The following ARSJ variants were observed in gnomAD, a reference collection of about 807,000 sequenced individuals.
The protein encoded by ARSJ is arylsulfatase J.
A neutral mutation model predicts 35.9 loss-of-function variants in ARSJ; 26 were observed. That is an observed-to-expected ratio of 0.72 (90% confidence interval 0.53 to 1.00). The LOEUF (loss-of-function observed/expected upper bound fraction) is 1.00. Ranked by LOEUF, ARSJ falls within the 50% of genes least tolerant of loss-of-function variation. The pLI is 0.00. For missense variants in ARSJ, 667 were observed against 723.6 expected (o/e 0.92, Z 0.90); for synonymous variants, 294 against 267.6 (o/e 1.10, Z -0.96).
intron 1 of ARSJ, among the ~76,000 whole-genome samples, chr4:113,905,808 C>T (rs2099668566): frequency 6.6e-6 from 1 of 151,496 alleles, no homozygotes; most frequent in African/African-American, 2.4e-5. Flanking sequence ...GCTGGAATTA[C>T]AGGTGCATAC....
Position 113,909,268 on chromosome 4 carries a change from G to C in ARSJ, c.399-5593C>G, listed in dbSNP as rs2099669712. Among the ~76,000 whole-genome samples the C allele has an allele frequency of 2.0e-5, 3 of 152,084 alleles. No individual in the cohort carries two copies. In the South Asian group the frequency reaches 6.2e-4, roughly 32 times the overall value. ...TAGGACTAATGGTCAATATTATAAAGAGGCTGATTTCAACCCATTGTGGAA... is the reference window on the plus strand; with the variant it reads ...TAGGACTAATGGTCAATATTATAAACAGGCTGATTTCAACCCATTGTGGAA... On this transcript the variant is annotated intron_variant, in intron 1 of 1. Transcript: ENST00000315366.
chr4:113,970,582 G>C (rs925895187), intron 1 of ARSJ: 1 of 152,348 alleles, frequency 6.6e-6, no homozygotes, highest in Admixed American at 6.6e-5. Flanking sequence ...GTAGCCAGTG[G>C]GGGACCTGGG....
Position 113,932,778 on chromosome 4 carries a change from T to G in ARSJ, c.399-29103A>C, listed in dbSNP as rs561112759. On this transcript the variant is annotated intron_variant, in intron 1 of 1. Coordinates refer to ENST00000315366, the MANE Select transcript of ARSJ (RefSeq NM_024590.4). ...AAGTAGAAAAACTTCAAATAAGCAA[T>G]CTACTGATTTACCTCAAGAAATAGA... 2.0e-5 allele frequency among the ~76,000 whole-genome samples: 3 copies of G among 152,074 alleles called. No individual in the cohort carries two copies. In the South Asian group the frequency reaches 6.2e-4, roughly 31 times the overall value.
intron 1 of ARSJ, among the ~76,000 whole-genome samples, 174 bp downstream of exon 1, chr4:113,978,263 A>G (rs1390414039): frequency 1.3e-5 from 2 of 152,244 alleles, no homozygotes; most frequent in South Asian, 2.1e-4. Context: ...AATTAAGATC[A>G]TTAACATTGT....
At chr4:113,931,173 A>G (rs903421575) in intron 1 of ARSJ, among the ~76,000 whole-genome samples, 1 of 148,172 alleles carries the variant, frequency 6.7e-6, no homozygotes, top group African/African-American at 2.4e-5. Context: ...CATAAAGTAT[A>G]ATTTAAAAAA....
At chr4:113,946,639 G>A (rs748613070) in intron 1 of ARSJ, among the ~76,000 whole-genome samples, 2 of 151,520 alleles carry the variant, frequency 1.3e-5, no homozygotes, top group Admixed American at 6.6e-5. Context: ...GACTCTCCAA[G>A]TTCTATTTTA....
At chr4:113,930,419 G>T (rs1476190464) in intron 1 of ARSJ, among the ~76,000 whole-genome samples, 1 of 152,094 alleles carries the variant, frequency 6.6e-6, no homozygotes, top group East Asian at 1.9e-4. Context: ...CCAGATTAAG[G>T]GTGGGTTGGA....
intron 1 of ARSJ, among the ~76,000 whole-genome samples, chr4:113,965,644 T>C (rs1166603375): frequency 3.9e-5 from 6 of 152,216 alleles, no homozygotes; most frequent in African/African-American, 1.4e-4. Context: ...TAGAGGGTAA[T>C]GTACATAAGG....
At chr4:113,913,676 C>T (rs1723089940) in intron 1 of ARSJ, among the ~76,000 whole-genome samples, 1 of 152,124 alleles carries the variant, frequency 6.6e-6, no homozygotes, top group Non-Finnish European at 1.5e-5. Flanking sequence ...AACAAGTGTA[C>T]CCACACTGCC....
At position 113,901,315 on chromosome 4, in the gene ARSJ, CA is replaced by C. The variant is rs1191695110; in HGVS notation, c.*958del. The C allele has an allele frequency of 3.9e-5, 6 of 152,136 alleles. No individual in the cohort carries two copies. Among genetic ancestry groups the C allele is most frequent in the African/African-American group, 1.4e-4 (6 of 41,444 alleles). 9.4% of individuals were successfully genotyped at this position (152,136 alleles called of 1,614,324 possible). On this transcript the variant is annotated 3_prime_UTR_variant, in exon 2 of 2. Coordinates refer to ENST00000315366, the MANE Select transcript of ARSJ (RefSeq NM_024590.4). ...TGTAAGGAATATATTCATCTTATTACATTCAAAATCTTGGTTGAACAATGAC... is the reference window on the plus strand; with the variant it reads ...TGTAAGGAATATATTCATCTTATTACTTCAAAATCTTGGTTGAACAATGAC...
At chr4:113,931,497 G>A (rs978896394) in intron 1 of ARSJ, among the ~76,000 whole-genome samples, 3 of 152,058 alleles carry the variant, frequency 2.0e-5, no homozygotes, top group African/African-American at 7.2e-5. Flanking sequence ...CAAAGAAGAT[G>A]TAATCTCCCA....
intron 1 of ARSJ, among the ~76,000 whole-genome samples, chr4:113,948,449 C>T (rs1228942278): frequency 1.3e-5 from 2 of 152,034 alleles, no homozygotes; most frequent in Non-Finnish European, 2.9e-5. Context: ...TTTGAGTATT[C>T]TCTGGAACCC....
chr4:113,902,847 C>T lies in ARSJ; in HGVS notation c.1227G>A (p.Glu409=). Residue 409 remains glutamate, a synonymous_variant, in exon 2 of 2, where the codon GAG becomes GAA. Transcript: ENST00000315366. ...TATCTACTCGGGGTGAGCGAAGACC[C>T]TCACTTATGGTCTCCCAGATATCAT... ...DGYDIWETIS[E]GLRSPRVDIL... The T allele has an allele frequency of 6.2e-7, 1 of 1,614,156 alleles. No individual in the cohort carries two copies. Among genetic ancestry groups the T allele is most frequent in the Non-Finnish European group, 8.5e-7 (1 of 1,180,034 alleles).
chr4:113,903,008 C>T lies in ARSJ; in HGVS notation c.1066G>A (p.Val356Ile). ...AGAAGTGGGCTATGCACAAAGCCTA[C>T]AGCCCGGATCCCTCCTTCCCAATAT... is the stretch of plus-strand genomic sequence containing the variant. ...GTYWEGGIRA[V>I]GFVHSPLLKN... is the part of the protein sequence containing the mutation. Residue 356 changes from valine to isoleucine, a missense_variant, in exon 2 of 2, where the codon GTA becomes ATA. Transcript: ENST00000315366. 1 of 1,614,160 alleles carries T rather than the reference C, an allele frequency of 6.2e-7. No individual in the cohort carries two copies. The highest frequency in any genetic ancestry group is 1.3e-5 in the African/African-American group (1 of 75,042).
intron 1 of ARSJ, among the ~76,000 whole-genome samples, chr4:113,904,494 C>T (rs1324937397): frequency 2.0e-5 from 3 of 151,748 alleles, no homozygotes; most frequent in Non-Finnish European, 4.4e-5. Flanking sequence ...ATAGTTCATT[C>T]TTTTTTTTGA....
chr4:113,937,375 T>C (rs1013506961), intron 1 of ARSJ, among the ~76,000 whole-genome samples: 1 of 151,964 alleles, frequency 6.6e-6, no homozygotes, highest in African/African-American at 2.4e-5. Context: ...AAGTAGGTAT[T>C]GATGGAGCAT....
chr4:113,902,434 T>A lies in ARSJ; in HGVS notation c.1640A>T (p.Asn547Ile), dbSNP rs200103811. ...PKDPRSNPRL[N>I]GGVWGPWYKE... ...ATACCATGGTCCCCAGACCCCTCCA[T>A]TGAGCCTAGGGTTACTTCTGGGGTC... Residue 547 changes from asparagine to isoleucine, a missense_variant, in exon 2 of 2, where the codon AAT becomes ATT. Coordinates refer to ENST00000315366, the MANE Select transcript of ARSJ (RefSeq NM_024590.4). The A allele has an allele frequency of 6.2e-7, 1 of 1,613,948 alleles. No homozygotes were observed. The highest frequency in any genetic ancestry group is 8.5e-7 in the Non-Finnish European group (1 of 1,180,008).
At chr4:113,940,805 A>T (rs965249257) in intron 1 of ARSJ, among the ~76,000 whole-genome samples, 2 of 151,484 alleles carry the variant, frequency 1.3e-5, no homozygotes, top group East Asian at 3.9e-4. Context: ...AAATAAGATA[A>T]TTTTTTTTTC....
At chr4:113,950,882 G>T (rs1360309008) in intron 1 of ARSJ, among the ~76,000 whole-genome samples, 1 of 152,100 alleles carries the variant, frequency 6.6e-6, no homozygotes, top group African/African-American at 2.4e-5. Context: ...TTTGCATACA[G>T]TTGAAGCACT....
Sources: allele counts gnomAD v4.1 joint callset (sites outside exome capture counted in the v4.1 genomes callset), GRCh38; gene constraint gnomAD v4.1.1; transcripts MANE v1.5; gene names NCBI Gene and HGNC (gene_info 2026-07-23, HGNC 2026-07-21).